Variants in KCNH7 observed in about 807,000 individuals in gnomAD.
KCNH7 encodes voltage-gated inwardly rectifying potassium channel KCNH7.
KCNH7 carries 49 observed loss-of-function variants against 120.8 expected under a neutral mutation model. That is an observed-to-expected ratio of 0.41 (90% confidence interval 0.32 to 0.51). The LOEUF is 0.51. Ranked by LOEUF, KCNH7 falls within the 20% of genes least tolerant of loss-of-function variation. The pLI is 0.38. For missense variants in KCNH7, 1,097 were observed against 1,446.6 expected (o/e 0.76, Z 3.92); for synonymous variants, 547 against 516.1 (o/e 1.06, Z -0.81).
intron 10 of KCNH7, 99 bp downstream of exon 10, chr2:162,400,090 T>C (rs1474615728): frequency 3.8e-6 from 5 of 1,318,578 alleles, no homozygotes; most frequent in Non-Finnish European, 5.3e-6. Context: ...TAAACTGTTC[T>C]TATGAATACA....
intron 2 of KCNH7, among the ~76,000 whole-genome samples, chr2:162,643,826 AAAG>A (rs1553507408): frequency 4.9e-5 from 6 of 123,572 alleles, no homozygotes; most frequent in South Asian, 2.8e-4. Flanking sequence ...AAAAAAAAAA[AAAG>A]AAGAAAAGAA....
At position 162,528,508 on chromosome 2, in the gene KCNH7, A is replaced by G. The variant is rs75251944; in HGVS notation, c.463+8417T>C. ...GAAGAAAAGCATTTTAGTAGAGGGG[A>G]CACCACATGATACAAATTAGGTGGA... On this transcript the variant is annotated intron_variant, in intron 3 of 15. Transcript: ENST00000332142. 13 of 152,096 alleles carry G rather than the reference A, an allele frequency of 8.5e-5. No homozygotes were observed. In the East Asian group the frequency reaches 2.5e-3, roughly 30 times the overall value. 9.4% of individuals were successfully genotyped at this position (152,096 alleles called of 1,614,324 possible).
intron 2 of KCNH7, among the ~76,000 whole-genome samples, chr2:162,625,213 T>A (rs1468266327): frequency 6.6e-6 from 1 of 152,062 alleles, no homozygotes; most frequent in Non-Finnish European, 1.5e-5. Context: ...CACTCTTAAC[T>A]CTAAATCTCT....
chr2:162,569,019 G>A lies in KCNH7; in HGVS notation c.308-31939C>T, dbSNP rs574841500. Among the ~76,000 whole-genome samples, 795 of 152,094 alleles carry A rather than the reference G, an allele frequency of 5.2e-3. 10 individuals carry two copies. Among genetic ancestry groups the A allele is most frequent in the African/African-American group, 0.018 (758 of 41,482 alleles). ...TTTGGTTGTGTCTCTGCCCGGCTTT[G>A]GTATCAGGATGATGCTGGTCTCATA... is the stretch of plus-strand genomic sequence containing the variant. On this transcript the variant is annotated intron_variant, in intron 2 of 15. Coordinates refer to ENST00000332142, the MANE Select transcript of KCNH7 (RefSeq NM_033272.4).
chr2:162,802,986 C>G (rs1050192250), intron 2 of KCNH7, among the ~76,000 whole-genome samples: 5 of 151,584 alleles, frequency 3.3e-5, no homozygotes, highest in Non-Finnish European at 5.9e-5. Flanking sequence ...GGGTAGGAGG[C>G]CATCCCAAAA....
intron 2 of KCNH7, among the ~76,000 whole-genome samples, chr2:162,558,986 T>C (rs528753960): frequency 1.2e-4 from 15 of 126,924 alleles, no homozygotes; most frequent in East Asian, 1.1e-3. Flanking sequence ...ACCCGGGAGG[T>C]GGAGCTTGCA....
At chr2:162,622,375 G>A (rs1683394086) in intron 2 of KCNH7, among the ~76,000 whole-genome samples, 1 of 152,188 alleles carries the variant, frequency 6.6e-6, no homozygotes, top group Non-Finnish European at 1.5e-5. Flanking sequence ...GAACAGAATG[G>A]TTTCTTTGGG....
intron 8 of KCNH7, among the ~76,000 whole-genome samples, chr2:162,425,192 A>G (rs143958212): frequency 6.6e-6 from 1 of 152,244 alleles, no homozygotes; most frequent in African/African-American, 2.4e-5. Flanking sequence ...AGACCCAGTT[A>G]CTGAGTACAG....
intron 6 of KCNH7, among the ~76,000 whole-genome samples, chr2:162,450,609 C>G (rs1455171747): frequency 2.0e-5 from 3 of 151,886 alleles, no homozygotes; most frequent in Admixed American, 2.0e-4. Context: ...TCAGAAGATT[C>G]TTATATTTAT....
At chr2:162,491,233 A>G (rs1024571684) in intron 6 of KCNH7, among the ~76,000 whole-genome samples, 10 of 152,236 alleles carry the variant, frequency 6.6e-5, no homozygotes, top group Non-Finnish European at 2.9e-5. Flanking sequence ...ACACATTTGC[A>G]TAGAGCTAGA....
At chr2:162,457,383 T>C (rs1292290989) in intron 6 of KCNH7, among the ~76,000 whole-genome samples, 1 of 152,144 alleles carries the variant, frequency 6.6e-6, no homozygotes, top group African/African-American at 2.4e-5. Context: ...CCAGAAAGAT[T>C]TACATTTTCT....
At chr2:162,761,691 G>A (rs1163920352) in intron 2 of KCNH7, among the ~76,000 whole-genome samples, 1 of 152,094 alleles carries the variant, frequency 6.6e-6, no homozygotes, top group Non-Finnish European at 1.5e-5. Context: ...AAGTCAGGCA[G>A]TCTAATTTTA....
chr2:162,665,565 T>C (rs1347212946), intron 2 of KCNH7, among the ~76,000 whole-genome samples: 2 of 152,226 alleles, frequency 1.3e-5, no homozygotes, highest in South Asian at 4.1e-4. Flanking sequence ...AATACCTCTC[T>C]AAAAAACTGA....
intron 2 of KCNH7, among the ~76,000 whole-genome samples, chr2:162,705,757 G>A (rs1686677183): frequency 6.6e-6 from 1 of 152,010 alleles, no homozygotes; most frequent in Admixed American, 6.6e-5. Flanking sequence ...CTTGCTGAGA[G>A]GATCCAGCAG....
intron 2 of KCNH7, among the ~76,000 whole-genome samples, chr2:162,564,973 T>A (rs1693202511): frequency 1.3e-5 from 2 of 152,124 alleles, no homozygotes; most frequent in Non-Finnish European, 2.9e-5. Context: ...TAAAGGCTAA[T>A]TCAGCTCAGA....
At chr2:162,756,700 T>A (rs1247857649) in intron 2 of KCNH7, among the ~76,000 whole-genome samples, 1 of 152,124 alleles carries the variant, frequency 6.6e-6, no homozygotes, top group Non-Finnish European at 1.5e-5. Context: ...TGGGCTCAAG[T>A]CGTCCTCTTG....
In KCNH7 at chr2:162,727,197, T is replaced by C. The variant is rs571397090; in HGVS notation, c.307+109340A>G. The stretch of plus-strand genomic sequence containing the variant: ...TTAATAGCTTTTATGCTCTCTACTA[T>C]GTATACATACAAAATTCTTAGAATA... On this transcript the variant is annotated intron_variant, in intron 2 of 15. Coordinates refer to ENST00000332142, the MANE Select transcript of KCNH7 (RefSeq NM_033272.4). 8.5e-5 allele frequency among the ~76,000 whole-genome samples: 13 copies of C among 152,290 alleles called. 1 individual carries two copies. In the South Asian group the frequency reaches 2.7e-3, roughly 32 times the overall value.
Position 162,838,454 on chromosome 2 carries a change from A to C in KCNH7, c.65T>G (p.Phe22Cys), listed in dbSNP as rs1685738188. 2 of 1,613,734 alleles carry C rather than the reference A, an allele frequency of 1.2e-6. No homozygotes were observed. Among genetic ancestry groups the C allele is most frequent in the Non-Finnish European group, 1.7e-6 (2 of 1,179,768 alleles). ...NTFLGTIIRK[F>C]EGQNKKFIIA... ...ACAAACGAACTTACTTTGCCCTTCAAATTTCCGAATGATGGTCCCCAGAAA... is the reference window on the plus strand; with the variant it reads ...ACAAACGAACTTACTTTGCCCTTCACATTTCCGAATGATGGTCCCCAGAAA... Residue 22 changes from phenylalanine (F) to cysteine (C), a missense_variant, in exon 1 of 16, where the codon TTT (phenylalanine) becomes TGT (cysteine). This residue lies in a region of KCNH7 where 57 missense variants were observed against 116.2 expected (regional missense o/e 0.49). Transcript: ENST00000332142.
In KCNH7 at chr2:162,513,544, T is replaced by A. The variant is rs1317973056; in HGVS notation, c.893-870A>T. Among the ~76,000 whole-genome samples, 3 of 150,226 alleles carry A rather than the reference T, an allele frequency of 2.0e-5. No individual in the cohort carries two copies. The East Asian group carries it at 6.0e-4, about 30-fold the overall frequency. ...TTCCTTTCTTCCTTTCAGGACAAGG[T>A]CTGGCTATATCTCTCTGGATGGACT... On this transcript the variant is annotated intron_variant, in intron 4 of 15. Coordinates refer to ENST00000332142, the MANE Select transcript of KCNH7 (RefSeq NM_033272.4).
Sources: allele counts gnomAD v4.1 joint callset (sites outside exome capture counted in the v4.1 genomes callset), GRCh38; gene constraint gnomAD v4.1.1; regional missense constraint gnomAD v4.1.1; transcripts MANE v1.5; gene names NCBI Gene and HGNC (gene_info 2026-07-23, HGNC 2026-07-21).